Variants in IPCEF1 observed in about 807,000 individuals in gnomAD.
The protein encoded by IPCEF1 is interaction protein for cytohesin exchange factors 1, also known as interactor protein for cytohesin exchange factors 1.
A neutral mutation model predicts 50.9 loss-of-function variants in IPCEF1; 31 were observed. That is an observed-to-expected ratio of 0.61 (90% CI 0.46 to 0.82). The LOEUF (loss-of-function observed/expected upper bound fraction) is 0.82. IPCEF1 is among the 40% of genes least tolerant of loss of function. IPCEF1 has a pLI of 0.00. For missense variants in IPCEF1, 458 were observed against 514.0 expected (o/e 0.89, Z 1.05); for synonymous variants, 181 against 192.0 (o/e 0.94, Z 0.47).
At chr6:154,166,798 G>A (rs1031122911) in intron 11 of IPCEF1, among the ~76,000 whole-genome samples, 2 of 152,048 alleles carry the variant, frequency 1.3e-5, no homozygotes, top group Admixed American at 6.5e-5. Flanking sequence ...ATCCCAACAC[G>A]CTATGACATA....
chr6:154,285,801 G>A (rs1397272837), intron 2 of IPCEF1, among the ~76,000 whole-genome samples: 1 of 152,116 alleles, frequency 6.6e-6, no homozygotes, highest in Non-Finnish European at 1.5e-5. Context: ...AGTCTGAGTT[G>A]TTTCTTTATT....
chr6:154,189,444 G>C (rs1295338075), intron 10 of IPCEF1, among the ~76,000 whole-genome samples: 1 of 152,036 alleles, frequency 6.6e-6, no homozygotes, highest in Non-Finnish European at 1.5e-5. Flanking sequence ...TTTTCATTAA[G>C]AGCATTTAAA....
At chr6:154,312,181 G>A (rs966930635) in intron 1 of IPCEF1, among the ~76,000 whole-genome samples, 21 of 152,214 alleles carry the variant, frequency 1.4e-4, no homozygotes, top group African/African-American at 5.1e-4. Flanking sequence ...GATGAACCTG[G>A]AGGACATTTT....
At chr6:154,305,284 G>T (rs1312056031) in intron 1 of IPCEF1, among the ~76,000 whole-genome samples, 3 of 152,134 alleles carry the variant, frequency 2.0e-5, no homozygotes, top group Admixed American at 2.0e-4. Flanking sequence ...GCTTTTCAGT[G>T]ATTTGAGCTC....
At chr6:154,273,542 T>G (rs964168052) in intron 2 of IPCEF1, among the ~76,000 whole-genome samples, 12 of 152,064 alleles carry the variant, frequency 7.9e-5, no homozygotes, top group African/African-American at 2.9e-4. Flanking sequence ...ATTTCACCTG[T>G]CAAGGCAAAG....
intron 10 of IPCEF1, among the ~76,000 whole-genome samples, chr6:154,180,707 T>C (rs1025147810): frequency 6.6e-6 from 1 of 152,200 alleles, no homozygotes; most frequent in Non-Finnish European, 1.5e-5. Flanking sequence ...TTGTGCTTTC[T>C]AGAATGTGGC....
chr6:154,250,242 G>C (rs73567201), intron 3 of IPCEF1, among the ~76,000 whole-genome samples: 5 of 149,356 alleles, frequency 3.3e-5, no homozygotes, highest in African/African-American at 4.9e-5. Flanking sequence ...GTGGTTTTTC[G>C]CTAGGTAAGT....
intron 2 of IPCEF1, among the ~76,000 whole-genome samples, chr6:154,277,713 T>C (rs1358548901): frequency 6.6e-6 from 1 of 152,250 alleles, no homozygotes; most frequent in Non-Finnish European, 1.5e-5. Context: ...CAGAGCAGAC[T>C]GCAGCTGGCC....
chr6:154,200,739 CAA>C (rs1175383305), intron 9 of IPCEF1, among the ~76,000 whole-genome samples: 2 of 152,090 alleles, frequency 1.3e-5, no homozygotes, highest in Non-Finnish European at 2.9e-5. Context: ...AAAAAGAGAG[CAA>C]AAGCTGGAGC....
intron 1 of IPCEF1, among the ~76,000 whole-genome samples, chr6:154,345,103 C>A (rs1303686248): frequency 6.6e-6 from 1 of 152,254 alleles, no homozygotes; most frequent in East Asian, 1.9e-4. Flanking sequence ...CTCCTGACCA[C>A]AGGTGATCCA....
chr6:154,215,904 T>C (rs1241151288), intron 7 of IPCEF1, among the ~76,000 whole-genome samples: 1 of 152,122 alleles, frequency 6.6e-6, no homozygotes, highest in Non-Finnish European at 1.5e-5. Context: ...TTTTGAGAAA[T>C]GCACACTCAA....
chr6:154,237,742 C>A (rs1478367955), intron 5 of IPCEF1, among the ~76,000 whole-genome samples: 1 of 152,084 alleles, frequency 6.6e-6, no homozygotes, highest in African/African-American at 2.4e-5. Context: ...CTGCCGAAAT[C>A]CACCTTACTG....
intron 1 of IPCEF1, among the ~76,000 whole-genome samples, chr6:154,301,081 T>C (rs1232700641): frequency 6.6e-6 from 1 of 152,248 alleles, no homozygotes; most frequent in East Asian, 1.9e-4. Context: ...CCAAAAGTTA[T>C]ATTAATCACC....
chr6:154,274,731 A>T (rs1210649244), intron 2 of IPCEF1, among the ~76,000 whole-genome samples: 5 of 152,134 alleles, frequency 3.3e-5, no homozygotes, highest in Admixed American at 2.6e-4. Context: ...GCAAGCAGAG[A>T]CCAGCCGTGG....
intron 6 of IPCEF1, among the ~76,000 whole-genome samples, chr6:154,222,444 T>A (rs1386313105): frequency 6.6e-6 from 1 of 152,176 alleles, no homozygotes; most frequent in East Asian, 1.9e-4. Flanking sequence ...CTGATAAGAC[T>A]GGAAAAGATG....
chr6:154,208,041 GCCTA>G lies in IPCEF1; in HGVS notation c.537+4725_537+4728del, dbSNP rs1777643442. 3.3e-5 allele frequency among the ~76,000 whole-genome samples: 5 copies of G among 152,184 alleles called. No homozygotes were observed. The South Asian group carries it at 1.0e-3, about 32-fold the overall frequency. On this transcript the variant is annotated intron_variant, in intron 9 of 11. Coordinates refer to ENST00000367220, the MANE Select transcript of IPCEF1 (RefSeq NM_001130700.2). ...CCCTCTCTTAGTTTTCTGATTCTATGCCTACCTCCCACTTCCCAGTGTCTGTTGC... is the reference window on the plus strand; with the variant it reads ...CCCTCTCTTAGTTTTCTGATTCTATGCCTCCCACTTCCCAGTGTCTGTTGC...
Position 154,281,310 on chromosome 6 carries a change from G to A in IPCEF1, c.-18+8403C>T, listed in dbSNP as rs551342209. 1.8e-4 allele frequency among the ~76,000 whole-genome samples: 27 copies of A among 150,530 alleles called. 1 individual carries two copies. In the South Asian group the frequency reaches 3.2e-3, roughly 18 times the overall value. ...GGAGGTTGCAGTGAGGCGAGATAGC[G>A]CCACTACACTCCAGCCTGGGTAACA... On this transcript the variant is annotated intron_variant, in intron 2 of 11. Transcript: ENST00000367220.
At position 154,199,679 on chromosome 6, in the gene IPCEF1, A is replaced by T. The variant is rs779459706; in HGVS notation, c.899T>A (p.Ile300Asn). 3.7e-6 allele frequency: 6 copies of T among 1,606,168 alleles called. No homozygotes were observed. In the Admixed American group the frequency reaches 5.1e-5, roughly 14 times the overall value. ...TVPDKPAGSK[I>N]MDKEETKVSE... Reference sequence around the variant, plus strand: ...ATTTATTGGTTTACCTTTGTCCATGATCTTTGATCCAGCAGGCTTATCTGG... The same window carrying T: ...ATTTATTGGTTTACCTTTGTCCATGTTCTTTGATCCAGCAGGCTTATCTGG... The change falls in exon 10 of 12, where the codon ATC (isoleucine) becomes AAC (asparagine). Residue 300 changes from isoleucine (I) to asparagine (N), a missense_variant. Physicochemically the swap from Ile to Asn is moderately radical, Grantham distance 149. Coordinates refer to ENST00000367220, the MANE Select transcript of IPCEF1 (RefSeq NM_001130700.2).
At chr6:154,223,063 T>A in intron 6 of IPCEF1, 107 bp downstream of exon 6, 1 of 869,712 alleles carries the variant, frequency 1.1e-6, no homozygotes, top group Non-Finnish European at 1.9e-6. Context: ...TTCTCAGACA[T>A]TCCGATGTTA....
Sources: allele counts gnomAD v4.1 joint callset (sites outside exome capture counted in the v4.1 genomes callset), GRCh38; gene constraint gnomAD v4.1.1; transcripts MANE v1.5; gene names NCBI Gene and HGNC (gene_info 2026-07-23, HGNC 2026-07-21).